The following CALN1 variants were observed in gnomAD, a reference collection of about 807,000 sequenced individuals.
The protein encoded by CALN1 is calcium-binding protein 8.
Under a neutral mutation model 30.6 loss-of-function variants are expected in CALN1, and 17 were observed. That is an observed-to-expected ratio of 0.56 (90% confidence interval 0.38 to 0.83). The LOEUF (loss-of-function observed/expected upper bound fraction) is 0.83, where lower values mean the gene tolerates loss of function less well. Ranked by LOEUF, CALN1 falls within the 40% of genes least tolerant of loss-of-function variation. The pLI, the probability that CALN1 is intolerant of heterozygous loss-of-function variation, is 0.00. For missense variants in CALN1, 291 were observed against 354.9 expected, an observed-to-expected ratio of 0.82 and a Z score of 1.45; for synonymous variants, 156 against 131.4, an observed-to-expected ratio of 1.19 and a Z score of -1.28.
rs1807201504 is a variant in CALN1 at position 72,412,041 on chromosome 7, T to G, written c.-74+17A>C. 1 of 152,168 alleles carries G rather than the reference T, an allele frequency of 6.6e-6. No homozygotes were observed. Among genetic ancestry groups the G allele is most frequent in the African/African-American group, 2.4e-5 (1 of 41,442 alleles). The allele number at this position is 152,168 out of a possible 1,614,324, so 9.4% of individuals were successfully genotyped here. A position where few individuals can be genotyped will look rare whatever the true frequency, so the allele number is the denominator to read the frequency against. ...CATGCAGCTGAGCCCACCATGCTCTTTAGTTTCTGTGCCCACCTGTGTGCG... is the reference window on the plus strand; with the variant it reads ...CATGCAGCTGAGCCCACCATGCTCTGTAGTTTCTGTGCCCACCTGTGTGCG... On this transcript the variant is annotated intron_variant, in intron 1 of 6. Coordinates refer to ENST00000395275, the MANE Select transcript of CALN1 (RefSeq NM_031468.4).
the CALN1 span, among the ~76,000 whole-genome samples, chr7:72,488,384 A>T: frequency 7.9e-5 from 12 of 152,232 alleles, no homozygotes; most frequent in African/African-American, 2.6e-4. Flanking sequence ...AGAATAAAAA[A>T]AAATAAAAAT....
intron 2 of CALN1, among the ~76,000 whole-genome samples, chr7:72,325,483 C>T (rs778987686): frequency 6.6e-6 from 1 of 152,024 alleles, no homozygotes; most frequent in East Asian, 1.9e-4. Flanking sequence ...CACCAGTAAT[C>T]CCAGCTACTT....
chr7:71,801,206 T>A (rs938376724), intron 6 of CALN1, among the ~76,000 whole-genome samples: 3 of 152,132 alleles, frequency 2.0e-5, no homozygotes, highest in African/African-American at 7.2e-5. Flanking sequence ...CTTCATCCAG[T>A]TAAAATTCTT....
At chr7:71,935,676 C>T (rs903134791) in intron 5 of CALN1, among the ~76,000 whole-genome samples, 3 of 152,120 alleles carry the variant, frequency 2.0e-5, no homozygotes, top group Non-Finnish European at 2.9e-5. Flanking sequence ...GAGCGGAGAT[C>T]GCACCCTTGC....
intron 2 of CALN1, among the ~76,000 whole-genome samples, chr7:72,279,021 C>T (rs545904040): frequency 1.3e-5 from 2 of 152,160 alleles, no homozygotes; most frequent in African/African-American, 2.4e-5. Context: ...CTTCACTGTA[C>T]ATCTTACTTC....
At chr7:72,114,674 C>T (rs972678825) in intron 3 of CALN1, among the ~76,000 whole-genome samples, 5 of 152,042 alleles carry the variant, frequency 3.3e-5, no homozygotes, top group Admixed American at 6.6e-5. Flanking sequence ...GACAGAGCTA[C>T]GAAGGCAGAG....
intron 3 of CALN1, among the ~76,000 whole-genome samples, chr7:72,226,698 C>T (rs112365063): frequency 0.012 from 1,837 of 152,214 alleles, 32 homozygotes; most frequent in African/African-American, 0.042. Flanking sequence ...AATCAAATAC[C>T]GCACGTTCTC....
chr7:72,398,356 A>C (rs1330732153), intron 2 of CALN1, among the ~76,000 whole-genome samples: 2 of 152,238 alleles, frequency 1.3e-5, no homozygotes, highest in African/African-American at 4.8e-5. Flanking sequence ...TTGCTTTCAG[A>C]GTCGGCAATT....
chr7:72,185,074 G>C (rs1790083411), intron 3 of CALN1, among the ~76,000 whole-genome samples: 1 of 152,038 alleles, frequency 6.6e-6, no homozygotes, highest in Admixed American at 6.6e-5. Context: ...CAAAGTGCTG[G>C]GATTACAGGC....
chr7:72,109,670 G>T (rs1370723058), intron 3 of CALN1, among the ~76,000 whole-genome samples: 1 of 152,226 alleles, frequency 6.6e-6, no homozygotes, highest in African/African-American at 2.4e-5. Flanking sequence ...TCAGCTTGAG[G>T]TCATGGCACA....
intron 2 of CALN1, among the ~76,000 whole-genome samples, chr7:72,374,549 G>GAAA (rs1444120293): frequency 8.2e-6 from 1 of 122,112 alleles, no homozygotes; most frequent in Non-Finnish European, 1.9e-5. Flanking sequence ...AAAAAAAAAG[G>GAAA]AAAAAAAAGA....
chr7:71,964,560 C>G (rs941073172), intron 5 of CALN1, among the ~76,000 whole-genome samples: 1 of 151,758 alleles, frequency 6.6e-6, no homozygotes. Context: ...TCAGCAAGAT[C>G]ATTAATATCA....
intron 5 of CALN1, among the ~76,000 whole-genome samples, chr7:71,949,430 C>T (rs1427254849): frequency 4.6e-5 from 7 of 152,194 alleles, no homozygotes; most frequent in Non-Finnish European, 8.8e-5. Flanking sequence ...GTTGCCCAGA[C>T]TGGAGTGCAG....
chr7:72,067,229 G>A (rs1804085262), intron 4 of CALN1, among the ~76,000 whole-genome samples: 1 of 152,122 alleles, frequency 6.6e-6, no homozygotes, highest in African/African-American at 2.4e-5. Context: ...CATCTACAGA[G>A]CCAAAATAGG....
chr7:72,007,168 C>T (rs778026668), intron 5 of CALN1, among the ~76,000 whole-genome samples: 11 of 152,204 alleles, frequency 7.2e-5, no homozygotes, highest in Non-Finnish European at 1.2e-4. Context: ...CTTGCTGCCA[C>T]GTATGGCACG....
At chr7:72,417,792 C>G (rs575426667) in intron 1 of CALN1, among the ~76,000 whole-genome samples, 2 of 152,090 alleles carry the variant, frequency 1.3e-5, no homozygotes, top group Non-Finnish European at 2.9e-5. Context: ...TTGAGGTAAT[C>G]GGTGCCATGC....
At chr7:72,143,482 A>C (rs969234159) in intron 3 of CALN1, among the ~76,000 whole-genome samples, 5 of 152,210 alleles carry the variant, frequency 3.3e-5, no homozygotes, top group Non-Finnish European at 7.4e-5. Context: ...ATGTGAAAAG[A>C]CCAAATCTAC....
At chr7:72,190,622 AAAAC>A (rs1404652326) in intron 3 of CALN1, among the ~76,000 whole-genome samples, 1 of 152,224 alleles carries the variant, frequency 6.6e-6, no homozygotes, top group African/African-American at 2.4e-5. Flanking sequence ...ATGATTGCCT[AAAAC>A]AAATTTAATA....
chr7:72,183,401 A>G (rs776069070), intron 3 of CALN1, among the ~76,000 whole-genome samples: 5 of 152,208 alleles, frequency 3.3e-5, no homozygotes, highest in Admixed American at 2.6e-4. Flanking sequence ...GCGGAGATGA[A>G]AAATTATGAG....
Sources: allele counts gnomAD v4.1 joint callset (sites outside exome capture counted in the v4.1 genomes callset), GRCh38; gene constraint gnomAD v4.1.1; transcripts MANE v1.5; gene names NCBI Gene and HGNC (gene_info 2026-07-23, HGNC 2026-07-21).